CLEC16A: variants seen among roughly 807,000 people sequenced by gnomAD.
CLEC16A encodes the protein protein CLEC16A.
In CLEC16A, 51 loss-of-function variants were observed where a neutral mutation model predicts 109.5. That is an observed-to-expected ratio of 0.47 (90% CI 0.37 to 0.59). CLEC16A has a LOEUF of 0.59. Ranked by LOEUF, CLEC16A falls within the 20% of genes least tolerant of loss-of-function variation. The pLI, the probability that CLEC16A is intolerant of heterozygous loss-of-function variation, is 0.00. For missense variants in CLEC16A, 1,339 were observed against 1,394.0 expected (o/e 0.96, Z 0.63); for synonymous variants, 673 against 564.2 (o/e 1.19, Z -2.73).
At position 11,149,299 on chromosome 16, in the gene CLEC16A, G is replaced by T. The variant is rs373037488; in HGVS notation, c.2642-17089G>T. On this transcript the variant is annotated intron_variant, in intron 22 of 23. Transcript: ENST00000409790. ...GTTTTGCTATTACTGCAGACCCGTT[G>T]TATTAATTTTTGTGCATTAATACAT... Among the ~76,000 whole-genome samples, 10 of 152,288 alleles carry T rather than the reference G, an allele frequency of 6.6e-5. No homozygotes were observed. The East Asian group carries it at 1.2e-3, about 18-fold the overall frequency.
At chr16:11,025,481 C>T (rs776147794) in intron 13 of CLEC16A, among the ~76,000 whole-genome samples, 8 of 152,260 alleles carry the variant, frequency 5.3e-5, no homozygotes, top group South Asian at 2.1e-4. Flanking sequence ...ATTCATTCAC[C>T]GCCTTGCTGC....
intron 17 of CLEC16A, among the ~76,000 whole-genome samples, chr16:11,049,478 T>TTTGTTTG (rs1567244451): frequency 2.8e-4 from 43 of 151,044 alleles, no homozygotes; most frequent in African/African-American, 1.0e-3. Context: ...TCCCAGGTTT[T>TTTGTTTG]TTTGTTTGTT....
intron 10 of CLEC16A, among the ~76,000 whole-genome samples, chr16:10,997,979 C>T (rs1385558943): frequency 6.6e-6 from 1 of 152,180 alleles, no homozygotes; most frequent in African/African-American, 2.4e-5. Flanking sequence ...TGACATCTGT[C>T]TTCTCAGCCA....
chr16:11,134,329 A>G (rs944750307), intron 22 of CLEC16A, among the ~76,000 whole-genome samples: 4 of 152,074 alleles, frequency 2.6e-5, no homozygotes, highest in Non-Finnish European at 4.4e-5. Flanking sequence ...AGTGTGAGCT[A>G]TAATTTGGAA....
intron 13 of CLEC16A, among the ~76,000 whole-genome samples, chr16:11,037,148 G>C (rs1349786131): frequency 6.6e-6 from 1 of 152,194 alleles, no homozygotes; most frequent in Non-Finnish European, 1.5e-5. Flanking sequence ...CATTCCTGCT[G>C]TACCCAGCTG....
chr16:11,015,326 G>A (rs182352612), intron 11 of CLEC16A, among the ~76,000 whole-genome samples: 156 of 152,146 alleles, frequency 1.0e-3, no homozygotes, highest in African/African-American at 3.5e-3. Flanking sequence ...GATGTGACAC[G>A]GGGGTTGGGG....
chr16:10,959,284 T>A (rs771147148), intron 2 of CLEC16A, among the ~76,000 whole-genome samples: 37 of 152,194 alleles, frequency 2.4e-4, no homozygotes, highest in Non-Finnish European at 4.6e-4. Context: ...GCAGACTCTT[T>A]AAAATGCAAA....
At chr16:10,989,776 G>T (rs1204067619) in intron 10 of CLEC16A, among the ~76,000 whole-genome samples, 3 of 152,196 alleles carry the variant, frequency 2.0e-5, no homozygotes, top group African/African-American at 7.2e-5. Context: ...GGTGTGTGGA[G>T]CCAGTGGCTA....
At chr16:11,048,337 A>T (rs1177360900) in intron 17 of CLEC16A, 1 of 152,260 alleles carries the variant, frequency 6.6e-6, no homozygotes, top group Non-Finnish European at 1.5e-5. Context: ...GCGGGAAGCC[A>T]TAGGTTCAGA....
chr16:11,157,272 G>A lies in CLEC16A; in HGVS notation c.2642-9116G>A. The A allele has an allele frequency of 5.1e-6, 6 of 1,174,004 alleles. No individual in the cohort carries two copies. In the South Asian group the frequency reaches 1.0e-4, roughly 20 times the overall value. The allele number at this position is 1,174,004 out of a possible 1,614,324, so 72.7% of individuals were successfully genotyped here. On this transcript the variant is annotated intron_variant, in intron 22 of 23. Transcript: ENST00000409790. ...GATCAGTGATGTGGGGGTCGCCCAT[G>A]GTGGCAGCTCAGGCTTGGCCCGGGA...
rs1453771613 is a variant in CLEC16A, at chr16:10,944,581, C to T, written c.-137C>T. Reference sequence around the variant, plus strand: ...TGAATGTCAGTGCTGGGCTGTGGGCCGGGGAGGAAGGCGGCTCGCGGTTCC... The same window carrying T: ...TGAATGTCAGTGCTGGGCTGTGGGCTGGGGAGGAAGGCGGCTCGCGGTTCC... On this transcript the variant is annotated 5_prime_UTR_variant, in exon 1 of 24. Coordinates refer to ENST00000409790, the MANE Select transcript of CLEC16A (RefSeq NM_015226.3). 5 of 823,510 alleles carry T rather than the reference C, an allele frequency of 6.1e-6. No individual in the cohort carries two copies. Among genetic ancestry groups the T allele is most frequent in the Non-Finnish European group, 9.5e-6 (5 of 525,572 alleles). 51.0% of individuals were successfully genotyped at this position (823,510 alleles called of 1,614,324 possible). A position where few individuals can be genotyped will look rare whatever the true frequency, so the allele number is the denominator to read the frequency against.
chr16:11,115,844 A>T (rs994906379), intron 19 of CLEC16A, among the ~76,000 whole-genome samples: 7 of 151,758 alleles, frequency 4.6e-5, no homozygotes, highest in African/African-American at 1.7e-4. Context: ...TGTACATTTT[A>T]TGTTAATATA....
intron 23 of CLEC16A, among the ~76,000 whole-genome samples, chr16:11,171,785 C>G (rs1253445600): frequency 6.6e-6 from 1 of 152,234 alleles, no homozygotes; most frequent in Non-Finnish European, 1.5e-5. Flanking sequence ...CACACAGTCA[C>G]ACATGCCAAT....
At position 11,041,959 on chromosome 16, in the gene CLEC16A, G is replaced by A. The variant is rs76614921; in HGVS notation, c.1661-295G>A. The A allele has an allele frequency of 1.5e-3, 483 of 316,718 alleles. 1 individual carries two copies. Among genetic ancestry groups the A allele is most frequent in the African/African-American group, 9.8e-3 (459 of 46,730 alleles). The allele number at this position is 316,718 out of a possible 1,614,324, so 19.6% of individuals were successfully genotyped here. ...CTCTCTAAAGGAAGTGGGGGTGCAG[G>A]GCCACTTTCCAGGCCTCAACAGTGT... On this transcript the variant is annotated intron_variant, in intron 14 of 23. Transcript: ENST00000409790.
At chr16:11,102,345 G>A (rs1013754842) in intron 19 of CLEC16A, among the ~76,000 whole-genome samples, 1 of 152,182 alleles carries the variant, frequency 6.6e-6, no homozygotes, top group African/African-American at 2.4e-5. Flanking sequence ...AAAACGTAAA[G>A]CAGGGAATTT....
chr16:10,980,119 A>C (rs2043236047), intron 9 of CLEC16A, among the ~76,000 whole-genome samples: 1 of 152,166 alleles, frequency 6.6e-6, no homozygotes, highest in African/African-American at 2.4e-5. Flanking sequence ...ACAGGTATTT[A>C]TTTGCTTTGA....
intron 11 of CLEC16A, among the ~76,000 whole-genome samples, chr16:11,014,879 C>A (rs1434824730): frequency 1.3e-5 from 2 of 152,208 alleles, no homozygotes; most frequent in African/African-American, 4.8e-5. Flanking sequence ...AGGTGTAGCA[C>A]TATGAGGAGG....
chr16:11,078,943 A>G lies in CLEC16A; in HGVS notation c.2116+17921A>G, dbSNP rs1344298593. Reference sequence around the variant, plus strand: ...TTGAGTTTGTGGAAGTTAAGCTTGCATACAGTGTGCCTCTACCTGACTTGA... The same window carrying G: ...TTGAGTTTGTGGAAGTTAAGCTTGCGTACAGTGTGCCTCTACCTGACTTGA... On this transcript the variant is annotated intron_variant, in intron 19 of 23. Transcript: ENST00000409790. 3.9e-5 allele frequency among the ~76,000 whole-genome samples: 6 copies of G among 152,186 alleles called. No homozygotes were observed. In the East Asian group the frequency reaches 7.7e-4, roughly 20 times the overall value.
At chr16:11,073,421 A>G (rs2049178375) in intron 19 of CLEC16A, among the ~76,000 whole-genome samples, 1 of 150,188 alleles carries the variant, frequency 6.7e-6, no homozygotes, top group South Asian at 2.1e-4. Context: ...GCCTCTCCAC[A>G]CCTCTCCCCT....
Sources: gnomAD v4.1 joint callset for allele counts (sites outside exome capture counted in the v4.1 genomes callset) on GRCh38, gnomAD v4.1.1 for gene constraint, MANE v1.5 for transcripts, NCBI Gene and HGNC (gene_info 2026-07-23, HGNC 2026-07-21) for gene names.